The following KIAA1217 variants were observed in gnomAD, a reference collection of about 807,000 sequenced individuals.
The protein encoded by KIAA1217 is KIAA1217.
A neutral mutation model predicts 163.9 loss-of-function variants in KIAA1217; 88 were observed. The observed-to-expected ratio is 0.54, with a 90% CI of 0.45 to 0.64. KIAA1217 has a LOEUF of 0.64. Ranked by LOEUF, KIAA1217 falls within the 30% of genes least tolerant of loss-of-function variation. The probability of loss-of-function intolerance (pLI) is 0.00; values close to 1 mark genes in which losing one functional copy is unlikely to be tolerated. For synonymous variants in KIAA1217, 903 were observed against 923.1 expected, an observed-to-expected ratio of 0.98 and a Z score of 0.39; for missense variants, 2,372 against 2,475.0, an observed-to-expected ratio of 0.96 and a Z score of 0.88.
At chr10:24,056,503 T>G (rs2060537748) in intron 2 of KIAA1217, among the ~76,000 whole-genome samples, 1 of 151,906 alleles carries the variant, frequency 6.6e-6, no homozygotes, top group Admixed American at 6.6e-5. Flanking sequence ...GGTCTAAAGT[T>G]ATATTATCAT....
chr10:24,231,465 A>C (rs149243308), intron 2 of KIAA1217, among the ~76,000 whole-genome samples: 53 of 148,236 alleles, frequency 3.6e-4, no homozygotes, highest in African/African-American at 9.9e-4. Context: ...ATAGCTGGAG[A>C]ATTTACAATA....
At chr10:23,789,714 TC>T (rs1835651521) in intron 1 of KIAA1217, among the ~76,000 whole-genome samples, 1 of 152,022 alleles carries the variant, frequency 6.6e-6, no homozygotes, top group South Asian at 2.1e-4. Context: ...TTGCGCTGAC[TC>T]TGAGTTCATC....
At chr10:24,370,517 TA>T (rs2051480062) in intron 2 of KIAA1217, among the ~76,000 whole-genome samples, 1 of 152,188 alleles carries the variant, frequency 6.6e-6, no homozygotes, top group East Asian at 1.9e-4. Context: ...CGTGCCTTTA[TA>T]AAAGGTACAC....
intron 1 of KIAA1217, among the ~76,000 whole-genome samples, chr10:23,960,221 C>A (rs747528532): frequency 6.7e-6 from 1 of 148,352 alleles, no homozygotes; most frequent in Non-Finnish European, 1.5e-5. Flanking sequence ...GGCCAGAATT[C>A]TTTTATAGCT....
At chr10:24,085,972 C>CAA (rs111641140) in intron 2 of KIAA1217, among the ~76,000 whole-genome samples, 20 of 145,044 alleles carry the variant, frequency 1.4e-4, no homozygotes, top group African/African-American at 2.2e-4. Context: ...GACCCTGTCT[C>CAA]AAAAAAAAAA....
chr10:24,232,689 C>G (rs999763351), intron 2 of KIAA1217, among the ~76,000 whole-genome samples: 1 of 152,104 alleles, frequency 6.6e-6, no homozygotes, highest in African/African-American at 2.4e-5. Context: ...TCCAAATTGT[C>G]CTTCCTGTCT....
intron 1 of KIAA1217, among the ~76,000 whole-genome samples, chr10:23,886,616 G>C (rs1841186469): frequency 6.6e-6 from 1 of 151,972 alleles, no homozygotes; most frequent in South Asian, 2.1e-4. Flanking sequence ...CCCAGCAACT[G>C]ACTTAATGAC....
At chr10:23,837,150 T>G (rs1433111340) in intron 1 of KIAA1217, among the ~76,000 whole-genome samples, 1 of 152,204 alleles carries the variant, frequency 6.6e-6, no homozygotes, top group African/African-American at 2.4e-5. Context: ...CTTAATATAA[T>G]GGCTTCCAGG....
At chr10:23,881,993 T>G (rs1840968463) in intron 1 of KIAA1217, among the ~76,000 whole-genome samples, 3 of 151,868 alleles carry the variant, frequency 2.0e-5, no homozygotes, top group Admixed American at 2.0e-4. Flanking sequence ...ATCTCTTTCA[T>G]TATGGTAAAA....
At chr10:24,538,737 T>TG (rs1592781210) in intron 17 of KIAA1217, among the ~76,000 whole-genome samples, 1 of 134,310 alleles carries the variant, frequency 7.4e-6, no homozygotes, top group East Asian at 2.0e-4. Flanking sequence ...TTTTGGTTTT[T>TG]TTTTTTTTTT....
intron 2 of KIAA1217, among the ~76,000 whole-genome samples, chr10:24,060,338 T>TTC (rs1274710885): frequency 2.2e-4 from 33 of 152,302 alleles, no homozygotes; most frequent in South Asian, 6.2e-4. Flanking sequence ...TTTTGTTGGT[T>TTC]GCAAGATATT....
At chr10:24,537,575 C>A (rs2074220642) in intron 17 of KIAA1217, among the ~76,000 whole-genome samples, 2 of 133,902 alleles carry the variant, frequency 1.5e-5, no homozygotes. Context: ...AAAACTCTGT[C>A]TCAAAAAAAA....
chr10:24,282,101 C>T (rs1255654144), intron 2 of KIAA1217, among the ~76,000 whole-genome samples: 1 of 152,080 alleles, frequency 6.6e-6, no homozygotes, highest in Non-Finnish European at 1.5e-5. Flanking sequence ...GGCATGGTGG[C>T]TTATGCCTAT....
intron 1 of KIAA1217, among the ~76,000 whole-genome samples, chr10:23,712,861 C>T (rs532840138): frequency 2.6e-5 from 4 of 152,194 alleles, no homozygotes; most frequent in African/African-American, 9.6e-5. Context: ...TGCTCTCAAT[C>T]AAGTATTTTT....
chr10:24,125,925 C>A (rs970522378), intron 2 of KIAA1217, among the ~76,000 whole-genome samples: 1 of 152,046 alleles, frequency 6.6e-6, no homozygotes, highest in African/African-American at 2.4e-5. Flanking sequence ...TACTTGTTAC[C>A]GCTTGGTAGC....
At chr10:24,151,468 G>T in intron 2 of KIAA1217, among the ~76,000 whole-genome samples, 1 of 144,120 alleles carries the variant, frequency 6.9e-6, no homozygotes, top group East Asian at 2.0e-4. Context: ...TATGCATCGG[G>T]CATGGTTCAA....
intron 19 of KIAA1217, among the ~76,000 whole-genome samples, chr10:24,544,775 C>T (rs1421659391): frequency 6.6e-6 from 1 of 152,194 alleles, no homozygotes; most frequent in Admixed American, 6.5e-5. Context: ...CTCTGATACT[C>T]ACATTAAAAT....
At chr10:24,160,544 C>A (rs1315646788) in intron 2 of KIAA1217, among the ~76,000 whole-genome samples, 1 of 152,052 alleles carries the variant, frequency 6.6e-6, no homozygotes, top group African/African-American at 2.4e-5. Context: ...TTACTTCAAA[C>A]TTGAATGCTG....
At chr10:24,175,218 G>A (rs1034991496) in intron 2 of KIAA1217, among the ~76,000 whole-genome samples, 1 of 152,078 alleles carries the variant, frequency 6.6e-6, no homozygotes, top group Non-Finnish European at 1.5e-5. Flanking sequence ...AGTCTTCAAA[G>A]TCCATTGTAT....
Sources: gnomAD v4.1 joint callset for allele counts (sites outside exome capture counted in the v4.1 genomes callset) on GRCh38, gnomAD v4.1.1 for gene constraint, MANE v1.5 for transcripts, NCBI Gene and HGNC (gene_info 2026-07-23, HGNC 2026-07-21) for gene names.